Variants in RTCA observed in about 807,000 individuals in gnomAD.
The protein encoded by RTCA is RNA terminal phosphate cyclase domain 1.
Under a neutral mutation model 46.1 loss-of-function variants are expected in RTCA, and 37 were observed. The observed-to-expected ratio is 0.80, with a 90% CI of 0.62 to 1.06. RTCA has a LOEUF of 1.06. Ranked by LOEUF, RTCA falls within the 50% of genes least tolerant of loss-of-function variation. The pLI is 0.00. For missense variants in RTCA, 435 were observed against 455.5 expected (o/e 0.95, Z 0.41); for synonymous variants, 164 against 158.3 (o/e 1.04, Z -0.27).
chr1:100,273,140 C>G (rs1383070024), intron 4 of RTCA, among the ~76,000 whole-genome samples: 1 of 152,126 alleles, frequency 6.6e-6, no homozygotes, highest in Non-Finnish European at 1.5e-5. Context: ...CCACTGATAT[C>G]AAATATCCTA....
At chr1:100,270,756 G>C in intron 4 of RTCA, 76 bp downstream of exon 4, 5 of 1,511,884 alleles carry the variant, frequency 3.3e-6, no homozygotes, top group Non-Finnish European at 4.5e-6. Flanking sequence ...AATATATCCT[G>C]AGTGTTTTTT....
chr1:100,286,454 C>CAAAA (rs754851046), intron 9 of RTCA, among the ~76,000 whole-genome samples: 4 of 45,268 alleles, frequency 8.8e-5, no homozygotes, highest in Admixed American at 2.5e-4. Context: ...GACTCCGTCT[C>CAAAA]AAAAAAAAAA....
chr1:100,276,024 A>G (rs1666352454), intron 7 of RTCA, among the ~76,000 whole-genome samples: 1 of 151,898 alleles, frequency 6.6e-6, no homozygotes, highest in Admixed American at 6.6e-5. Context: ...TTTAGTAGAG[A>G]CAGGGTTTCA....
In RTCA at chr1:100,291,598, T is replaced by A; in HGVS notation, c.*94T>A. 1.3e-6 allele frequency: 1 copy of A among 783,618 alleles called. No homozygotes were observed. The highest frequency in any genetic ancestry group is 2.1e-6 in the Non-Finnish European group (1 of 485,220). 48.5% of individuals were successfully genotyped at this position (783,618 alleles called of 1,614,324 possible). On this transcript the variant is annotated 3_prime_UTR_variant, in exon 11 of 11. Transcript: ENST00000370128. ...CTAGGAAGTAACTTATTAAAGGCTA[T>A]GACTTAAATTTGAAGATGAAGTACA...
At chr1:100,270,250 T>C (rs952354511) in intron 3 of RTCA, among the ~76,000 whole-genome samples, 1 of 152,196 alleles carries the variant, frequency 6.6e-6, no homozygotes, top group African/African-American at 2.4e-5. Flanking sequence ...TTTTGTAATA[T>C]AAAGAAAAGT....
chr1:100,274,785 G>A (rs759438288), intron 5 of RTCA, 39 bp from the exon 6 acceptor site: 4 of 1,561,166 alleles, frequency 2.6e-6, no homozygotes, highest in Admixed American at 3.7e-5. Flanking sequence ...TTTTTGTCAT[G>A]CAATCAGTTT....
chr1:100,287,252 G>T, intron 10 of RTCA, 49 bp downstream of exon 10: 1 of 1,361,628 alleles, frequency 7.3e-7, no homozygotes, highest in Non-Finnish European at 1.0e-6. Context: ...TTTTATTTTA[G>T]CCAATTTTGG....
At chr1:100,267,480 A>C (rs1665849457) in intron 2 of RTCA, 3 of 1,526,258 alleles carry the variant, frequency 2.0e-6, no homozygotes, top group Non-Finnish European at 1.8e-6. Flanking sequence ...CTTAAACAAC[A>C]GAAATTTATT....
chr1:100,275,090 T>C, intron 6 of RTCA, 125 bp downstream of exon 6: 1 of 978,132 alleles, frequency 1.0e-6, no homozygotes, highest in East Asian at 2.7e-5. Flanking sequence ...ATGTCCTTTG[T>C]GGCAATATGG....
chr1:100,284,270 T>C (rs957396980), intron 8 of RTCA, among the ~76,000 whole-genome samples: 2 of 152,242 alleles, frequency 1.3e-5, no homozygotes, highest in South Asian at 2.1e-4. Context: ...TTCTGACTTA[T>C]ATTTAAAATA....
Position 100,277,227 on chromosome 1 carries a change from A to C in RTCA, c.741-31A>C, listed in dbSNP as rs1273204773. ...TGCATAAATTTGGAACATTTATAGC[A>C]AAGGTAGTAATAACTTTTTTTCTTG... is the stretch of plus-strand genomic sequence containing the variant. On this transcript the variant is annotated intron_variant, in intron 7 of 10. Transcript: ENST00000370128. 4 of 1,596,008 alleles carry C rather than the reference A, an allele frequency of 2.5e-6. No homozygotes were observed. The East Asian group carries it at 8.9e-5, about 36-fold the overall frequency.
At chr1:100,271,608 TAAA>T (rs1445732259) in intron 4 of RTCA, among the ~76,000 whole-genome samples, 1 of 152,186 alleles carries the variant, frequency 6.6e-6, no homozygotes, top group Non-Finnish European at 1.5e-5. Flanking sequence ...ATCAAACATT[TAAA>T]AAATGATTTA....
intron 2 of RTCA, chr1:100,267,655 T>TG: frequency 8.7e-7 from 1 of 1,152,822 alleles, no homozygotes; most frequent in Non-Finnish European, 1.1e-6. Flanking sequence ...GTTCTAGTTT[T>TG]TTTTTTTTTT....
chr1:100,288,307 CAT>C (rs1234725894), intron 10 of RTCA, among the ~76,000 whole-genome samples: 1 of 152,134 alleles, frequency 6.6e-6, no homozygotes, highest in African/African-American at 2.4e-5. Context: ...ATTTCAGTAA[CAT>C]GTAGCATATT....
chr1:100,277,749 C>A (rs998079344), intron 8 of RTCA, among the ~76,000 whole-genome samples: 5 of 151,632 alleles, frequency 3.3e-5, no homozygotes, highest in Admixed American at 2.0e-4. Flanking sequence ...TAGCTTCATA[C>A]ATAATGAATT....
chr1:100,276,366 A>G (rs1666377666), intron 7 of RTCA, among the ~76,000 whole-genome samples: 1 of 152,192 alleles, frequency 6.6e-6, no homozygotes. Flanking sequence ...ACAAATAAAT[A>G]TAGCAAAGAG....
At chr1:100,282,043 GACCTTTGTTTA>G (rs1382224373) in intron 8 of RTCA, among the ~76,000 whole-genome samples, 3 of 152,138 alleles carry the variant, frequency 2.0e-5, no homozygotes, top group Non-Finnish European at 2.9e-5. Flanking sequence ...AAGTCCTTGA[GACCTTTGTTTA>G]AAAACATCCA....
intron 7 of RTCA, among the ~76,000 whole-genome samples, chr1:100,276,478 A>G (rs56207296): frequency 0.045 from 6,914 of 152,266 alleles, 162 homozygotes; most frequent in South Asian, 0.082. Context: ...AGAGATCAAG[A>G]TCATCCTGGC....
At chr1:100,278,824 G>A (rs376590225) in intron 8 of RTCA, among the ~76,000 whole-genome samples, 29 of 152,256 alleles carry the variant, frequency 1.9e-4, no homozygotes, top group African/African-American at 6.7e-4. Flanking sequence ...TCAAAATGTG[G>A]TTGGCAGACA....
Sources: gnomAD v4.1 joint callset for allele counts (sites outside exome capture counted in the v4.1 genomes callset) on GRCh38, gnomAD v4.1.1 for gene constraint, MANE v1.5 for transcripts, NCBI Gene and HGNC (gene_info 2026-07-23, HGNC 2026-07-21) for gene names.